ZNF343: variants seen among roughly 807,000 people sequenced by gnomAD.
ZNF343 encodes zinc finger protein 343.
In ZNF343, 11 loss-of-function variants were observed where a neutral mutation model predicts 13.8. The observed-to-expected ratio is 0.80, with a 90% CI of 0.50 to 1.32. The LOEUF is 1.32. Among genes scored for constraint, ZNF343 ranks in the 40% most tolerant of loss-of-function variants. The probability of loss-of-function intolerance (pLI) is 0.00; values close to 1 mark genes in which losing one functional copy is unlikely to be tolerated. For synonymous variants in ZNF343, 248 were observed against 260.0 expected (o/e 0.95, Z 0.44); for missense variants, 658 against 714.2 (o/e 0.92, Z 0.90).
In ZNF343 at chr20:2,508,617, C is replaced by T. The variant is rs1030816007; in HGVS notation, c.-237+264G>A. Among the ~76,000 whole-genome samples, 2 of 152,202 alleles carry T rather than the reference C, an allele frequency of 1.3e-5. No individual in the cohort carries two copies. The highest frequency in any genetic ancestry group is 2.9e-5 in the Non-Finnish European group (2 of 68,038). On this transcript the variant is annotated intron_variant, in intron 1 of 5. Coordinates refer to ENST00000278772, the MANE Select transcript of ZNF343 (RefSeq NM_024325.6). The surrounding 1 kb of genome is among the most constrained non-coding windows in gnomAD (Gnocchi z 4.5). ...ATAATCCCGCCTGGTTCAAGACAGG[C>T]ATTAGAGTTCTAGGTCACTCTCGTC...
At chr20:2,510,698 TG>T (rs1323291999), upstream of ZNF343, among the ~76,000 whole-genome samples, 1 of 152,198 alleles carries the variant, frequency 6.6e-6, no homozygotes, top group African/African-American at 2.4e-5. Context: ...CACCAGGGGT[TG>T]GGTCTAGGTC....
intron 2 of ZNF343, among the ~76,000 whole-genome samples, chr20:2,497,588 G>C (rs6076215): frequency 2.6e-5 from 4 of 152,020 alleles, no homozygotes. Context: ...GGTGACCTTG[G>C]CAAGAACAGT....
intron 2 of ZNF343, among the ~76,000 whole-genome samples, chr20:2,498,218 T>A (rs1304974906): frequency 6.6e-6 from 1 of 151,938 alleles, no homozygotes; most frequent in Non-Finnish European, 1.5e-5. Context: ...TAGCCGGGCG[T>A]GGTGGCGCAT....
rs186769241 is a variant in ZNF343 at position 2,520,032 on chromosome 20, T to C, written c.-347+4423A>G. ...GCTCTATCTGACCATTTCACACTTA[T>C]TAAGAGGGGAGAGTCTGTTTCTTAG... On this transcript the variant is annotated intron_variant, in intron 1 of 6. Coordinates refer to the ZNF343 transcript ENST00000358413. Among the ~76,000 whole-genome samples, 11 of 152,348 alleles carry C rather than the reference T, an allele frequency of 7.2e-5. No individual in the cohort carries two copies. In the South Asian group the frequency reaches 2.1e-3, roughly 29 times the overall value.
rs186626854 is a variant in ZNF343, at chr20:2,518,076, C to T, written c.-347+6379G>A. Among the ~76,000 whole-genome samples, 105 of 151,218 alleles carry T rather than the reference C, an allele frequency of 6.9e-4. No homozygotes were observed. Among genetic ancestry groups the T allele is most frequent in the Non-Finnish European group, 1.2e-3 (79 of 67,882 alleles). ...TTACCCAGGCTGGAGTGCAGTGGCT[C>T]GATCTCGGCTCACTGTAACCTCTGC... is the stretch of plus-strand genomic sequence containing the variant. On this transcript the variant is annotated intron_variant, in intron 1 of 6. Transcript: ENST00000358413. This position sits in a 1 kb window ranked among gnomAD's most constrained non-coding sequence, Gnocchi z 4.6.
At chr20:2,511,082 T>C (rs891412087), upstream of ZNF343, among the ~76,000 whole-genome samples, 1 of 151,842 alleles carries the variant, frequency 6.6e-6, no homozygotes, top group East Asian at 1.9e-4. Context: ...GTTTTAAGAC[T>C]GGGGGAATCC....
At chr20:2,497,156 T>C (rs2085474232) in intron 2 of ZNF343, among the ~76,000 whole-genome samples, 3 of 152,060 alleles carry the variant, frequency 2.0e-5, no homozygotes, top group African/African-American at 7.2e-5. Flanking sequence ...AGAACAAAGT[T>C]TGATGTTTGA....
In ZNF343 at chr20:2,483,667, AGT is replaced by A; in HGVS notation, c.1292_1293del (p.His431LeufsTer3). 2 of 1,611,030 alleles carry A rather than the reference AGT, an allele frequency of 1.2e-6. No homozygotes were observed. The highest frequency in any genetic ancestry group is 1.7e-6 in the Non-Finnish European group (2 of 1,178,756). On this transcript the variant is annotated frameshift_variant, in exon 6 of 6. Coordinates refer to ENST00000278772, the MANE Select transcript of ZNF343 (RefSeq NM_024325.6). LOFTEE classifies it low-confidence loss of function (END_TRUNC). ...NSDLIKHQRTHLDEKPYVCRE... is the reference protein window; with the variant it reads ...NSDLIKHQRTXLDEKPYVCRE... ...CTGCAAACATAAGGCTTCTCATCCAAGTGTGTCCTCTGGTGTTTGATGAGATC... is the reference window on the plus strand; with the variant it reads ...CTGCAAACATAAGGCTTCTCATCCAAGTGTCCTCTGGTGTTTGATGAGATC...
chr20:2,517,587 G>A (rs8115552), intron 1 of ZNF343, among the ~76,000 whole-genome samples: 7 of 149,934 alleles, frequency 4.7e-5, no homozygotes, highest in Non-Finnish European at 8.9e-5. Flanking sequence ...CTGCAGCCTC[G>A]ACCTCCTGGG....
Position 2,482,681 on chromosome 20 carries a change from T to C in ZNF343, c.*480A>G, listed in dbSNP as rs2085185169. The C allele has an allele frequency of 1.2e-5, 2 of 166,196 alleles. No homozygotes were observed. The highest frequency in any genetic ancestry group is 1.1e-4 in the Admixed American group (2 of 18,424). 10.3% of individuals were successfully genotyped at this position (166,196 alleles called of 1,614,324 possible). A position where few individuals can be genotyped will look rare whatever the true frequency, so the allele number is the denominator to read the frequency against. On this transcript the variant is annotated 3_prime_UTR_variant, in exon 6 of 6. Coordinates refer to ENST00000278772, the MANE Select transcript of ZNF343 (RefSeq NM_024325.6). ...GTCATCTGGGCAGAGCTCCACAGTGTCCCCACATGCAGATTCTCCCTGTGG... is the reference window on the plus strand; with the variant it reads ...GTCATCTGGGCAGAGCTCCACAGTGCCCCCACATGCAGATTCTCCCTGTGG...
upstream of ZNF343, among the ~76,000 whole-genome samples, chr20:2,513,418 T>C (rs1230708763): frequency 2.6e-5 from 4 of 152,156 alleles, no homozygotes; most frequent in Non-Finnish European, 5.9e-5. Context: ...CATAATAAAA[T>C]ACCACTTCAC....
At chr20:2,519,097 G>A (rs754406334) in intron 1 of ZNF343, among the ~76,000 whole-genome samples, 1 of 152,100 alleles carries the variant, frequency 6.6e-6, no homozygotes, top group Non-Finnish European at 1.5e-5. Context: ...AAATTACCCA[G>A]TCTTGGGTAG....
chr20:2,512,623 GA>G (rs2085743289), upstream of ZNF343, among the ~76,000 whole-genome samples: 1 of 152,118 alleles, frequency 6.6e-6, no homozygotes, highest in Non-Finnish European at 1.5e-5. Flanking sequence ...GTAAAAGAAT[GA>G]AGTTGGACCT....
At chr20:2,502,418 C>T (rs1325402711) in intron 1 of ZNF343, among the ~76,000 whole-genome samples, 4 of 152,074 alleles carry the variant, frequency 2.6e-5, no homozygotes, top group Admixed American at 2.6e-4. Context: ...ACTTCCCCAA[C>T]CTAGCAAGGC....
upstream of ZNF343, among the ~76,000 whole-genome samples, chr20:2,509,319 T>A (rs1186689537): frequency 1.3e-5 from 2 of 152,180 alleles, no homozygotes; most frequent in African/African-American, 4.8e-5. Flanking sequence ...GCACGCGAAC[T>A]ACCTTGCGTG....
chr20:2,502,183 C>T lies in ZNF343; in HGVS notation c.-236-1441G>A, dbSNP rs143120935. Among the ~76,000 whole-genome samples, 442 of 152,118 alleles carry T rather than the reference C, an allele frequency of 2.9e-3. 1 individual carries two copies. The highest frequency in any genetic ancestry group is 0.01 in the African/African-American group (420 of 41,496). On this transcript the variant is annotated intron_variant, in intron 1 of 5. Transcript: ENST00000278772. ...TGACGAATGCACAAGCCTCAGTAGC[C>T]GACTTGATCAACTGGAAGAAAGGGT...
rs1278513989 is a variant in ZNF343, at chr20:2,484,440, C to T, written c.521G>A (p.Gly174Glu). Residue 174 changes from glycine to glutamate, a missense_variant, in exon 6 of 6, where the codon GGA becomes GAA. Gly to Glu is a moderately conservative substitution (Grantham distance 98). Coordinates refer to ENST00000278772, the MANE Select transcript of ZNF343 (RefSeq NM_024325.6). The part of the protein sequence containing the change: ...WFENAEGQER[G>E]GGSKPWSART... Reference sequence around the variant, plus strand: ...TGCAGACCAGGGTTTGGAGCCACCTCCTCTCTCCTGACCTTCTGCATTTTC... The same window carrying T: ...TGCAGACCAGGGTTTGGAGCCACCTTCTCTCTCCTGACCTTCTGCATTTTC... 3.7e-6 allele frequency: 6 copies of T among 1,614,086 alleles called. No homozygotes were observed. In the South Asian group the frequency reaches 5.5e-5, roughly 15 times the overall value.
rs377349613 is a variant in ZNF343, at chr20:2,483,989, A to T, written c.972T>A (p.Pro324=). 17 of 1,613,786 alleles carry T rather than the reference A, an allele frequency of 1.1e-5. No homozygotes were observed. In the African/African-American group the frequency reaches 1.7e-4, roughly 16 times the overall value. Residue 324 remains proline (P), a synonymous_variant, in exon 6 of 6, where the codon CCT becomes CCA. Transcript: ENST00000278772. ...TTTGCCCACACTCCCTGCACAAATA[A>T]GGCTTCTCTTCTGAATGTGTTCTCT... ...RHQRTHSEEK[P]YLCRECGQSF... is the part of the protein sequence containing the mutation.
At position 2,482,892 on chromosome 20, in the gene ZNF343, G is replaced by A; in HGVS notation, c.*269C>T. The A allele has an allele frequency of 2.1e-6, 1 of 470,480 alleles. No homozygotes were observed. The highest frequency in any genetic ancestry group is 3.8e-6 in the Non-Finnish European group (1 of 264,754). 29.1% of individuals were successfully genotyped at this position (470,480 alleles called of 1,614,324 possible). A position where few individuals can be genotyped will look rare whatever the true frequency, so the allele number is the denominator to read the frequency against. ...TGATTATTGCTAAAGCCTTCCCACA[G>A]TCCCTACACATAAACTTCTCTCCTA... On this transcript the variant is annotated 3_prime_UTR_variant, in exon 6 of 6. Coordinates refer to ENST00000278772, the MANE Select transcript of ZNF343 (RefSeq NM_024325.6).
Sources: allele counts gnomAD v4.1 joint callset (sites outside exome capture counted in the v4.1 genomes callset), GRCh38; gene constraint gnomAD v4.1.1; non-coding constraint Gnocchi (gnomAD v3.1); transcripts MANE v1.5; gene names NCBI Gene and HGNC (gene_info 2026-07-23, HGNC 2026-07-21).